Variants in MYO15A observed in about 807,000 individuals in gnomAD.
The protein encoded by MYO15A is myosin XVA, also known as unconventional myosin-XV.
MYO15A carries 308 observed loss-of-function variants against 394.6 expected under a neutral mutation model. The ratio of observed to expected loss-of-function variants is 0.78; its 90% CI spans 0.71 to 0.86. MYO15A has a LOEUF of 0.86. Among genes scored for constraint, MYO15A ranks in the 40% least tolerant of loss-of-function variants. The probability of loss-of-function intolerance (pLI) is 0.00; values close to 1 mark genes in which losing one functional copy is unlikely to be tolerated. For missense variants in MYO15A, 4,606 were observed against 4,799.1 expected (o/e 0.96, Z 1.19); for synonymous variants, 1,957 against 2,003.8 (o/e 0.98, Z 0.62).
intron 2 of MYO15A, 123 bp downstream of exon 2, chr17:18,122,532 T>C: frequency 7.1e-7 from 1 of 1,413,066 alleles, no homozygotes; most frequent in East Asian, 2.4e-5. Context: ...CCTCAGTCTC[T>C]GGGTCTGTAA....
At chr17:18,149,045 G>A in intron 33 of MYO15A, 93 bp downstream of exon 33, 3 of 1,507,474 alleles carry the variant, frequency 2.0e-6, no homozygotes, top group Non-Finnish European at 2.7e-6. Context: ...CCCAGCTGCT[G>A]GGACAGGCTG....
At chr17:18,142,884 G>T (rs770478838) in intron 25 of MYO15A, 44 bp downstream of exon 25, 21 of 1,560,268 alleles carry the variant, frequency 1.3e-5, no homozygotes, top group Non-Finnish European at 1.7e-5. Context: ...CAGCAGAGAA[G>T]GGGAAAGGGC....
chr17:18,169,157 T>TAATAAAA (rs369888022), intron 62 of MYO15A, among the ~76,000 whole-genome samples: 1 of 92,132 alleles, frequency 1.1e-5, no homozygotes, highest in East Asian at 2.2e-4. Flanking sequence ...ATAATAATAA[T>TAATAAAA]AAAAATAGGC....
chr17:18,125,293 C>CG, intron 4 of MYO15A, 62 bp downstream of exon 4: 1 of 1,494,854 alleles, frequency 6.7e-7, no homozygotes, highest in Middle Eastern at 1.8e-4. Context: ...CTCCTGGGGC[C>CG]GGGTGGGACG....
rs909474364 is a variant in MYO15A, at chr17:18,179,141, A to G, written c.*271A>G. The G allele has an allele frequency of 5.5e-6, 3 of 550,446 alleles. No individual in the cohort carries two copies. Among genetic ancestry groups the G allele is most frequent in the Non-Finnish European group, 9.8e-6 (3 of 304,770 alleles). 34.1% of individuals were successfully genotyped at this position (550,446 alleles called of 1,614,324 possible). A position where few individuals can be genotyped will look rare whatever the true frequency, so the allele number is the denominator to read the frequency against. On this transcript the variant is annotated 3_prime_UTR_variant, in exon 66 of 66. Coordinates refer to ENST00000647165, the MANE Select transcript of MYO15A (RefSeq NM_016239.4). The stretch of plus-strand genomic sequence containing the variant: ...GTGCAGTGGAGCAGAAGGCAGGACC[A>G]TGAGGCCTCCTGCCATGTACCCATT...
intron 1 of MYO15A, among the ~76,000 whole-genome samples, chr17:18,116,726 TC>T (rs1033388277): frequency 1.3e-5 from 2 of 151,844 alleles, no homozygotes; most frequent in African/African-American, 4.8e-5. Context: ...TTTGAGACCA[TC>T]CCGGCCAACA....
At chr17:18,129,161 C>T (rs1005177692) in intron 7 of MYO15A, among the ~76,000 whole-genome samples, 2 of 152,240 alleles carry the variant, frequency 1.3e-5, no homozygotes, top group Non-Finnish European at 2.9e-5. Flanking sequence ...ATTCAGAGCT[C>T]CGTCTCACTG....
chr17:18,171,698 G>C lies in MYO15A; in HGVS notation c.10143G>C (p.Trp3381Cys), dbSNP rs2046943223. 8.1e-6 allele frequency: 13 copies of C among 1,613,030 alleles called. No individual in the cohort carries two copies. The highest frequency in any genetic ancestry group is 1.1e-5 in the Non-Finnish European group (13 of 1,180,022). ...QLYRTTAGST[W>C]LNLVSQHRQQ... The stretch of plus-strand genomic sequence containing the variant: ...ACCGTACAACGGCAGGCTCGACCTG[G>C]CTCAACCTGGTCAGCCAGCACCGGC... The change falls in exon 63 of 66, where the codon TGG (tryptophan) becomes TGC (cysteine). Residue 3381 changes from tryptophan to cysteine, a missense_variant. This residue lies in a region of MYO15A where 2,776 missense variants were observed against 3,109.3 expected (regional missense o/e 0.89). Coordinates refer to ENST00000647165, the MANE Select transcript of MYO15A (RefSeq NM_016239.4).
chr17:18,141,643 C>T lies in MYO15A; in HGVS notation c.5532-10C>T, dbSNP rs200169924. 2,108 of 1,613,314 alleles carry T rather than the reference C, an allele frequency of 1.3e-3. 3 individuals are homozygous for T. Among genetic ancestry groups the T allele is most frequent in the Non-Finnish European group, 1.7e-3 (1,949 of 1,179,434 alleles). ...TCATAGCCCCAGACTAACTTTGGGC[C>T]CCCTACCAGGTACTGCTGTCTAGTG... On this transcript the variant is annotated splice_polypyrimidine_tract_variant and intron_variant, in intron 22 of 65. Transcript: ENST00000647165.
intron 1 of MYO15A, among the ~76,000 whole-genome samples, chr17:18,113,739 C>CAAA (rs72282387): frequency 8.4e-6 from 1 of 119,414 alleles, no homozygotes; most frequent in Non-Finnish European, 1.7e-5. Context: ...GAGACTGTCT[C>CAAA]AAAAAAAAAA....
chr17:18,125,151 T>A lies in MYO15A; in HGVS notation c.3693-17T>A, dbSNP rs1244862404. 2 of 1,613,934 alleles carry A rather than the reference T, an allele frequency of 1.2e-6. No individual in the cohort carries two copies. The highest frequency in any genetic ancestry group is 1.7e-6 in the Non-Finnish European group (2 of 1,179,862). Reference sequence around the variant, plus strand: ...CAGCCCTGGGGGCACTGACGGCTTCTCTCTGTGTCCTTCTAGAGACCTCCA... The same window carrying A: ...CAGCCCTGGGGGCACTGACGGCTTCACTCTGTGTCCTTCTAGAGACCTCCA... On this transcript the variant is annotated splice_polypyrimidine_tract_variant and intron_variant, in intron 3 of 65. Coordinates refer to ENST00000647165, the MANE Select transcript of MYO15A (RefSeq NM_016239.4).
rs1353598902 is a variant in MYO15A, at chr17:18,157,052, G to A, written c.8700G>A (p.Glu2900=). The part of the protein sequence containing the change: ...KGDIIHLQPL[E]PPRVGYSAGC... ...ACATCATACACCTGCAGCCCCTAGA[G>A]CCACCTCGAGTGGGTCAGTGCCACT... The change falls in exon 49 of 66, where the codon GAG becomes GAA. Residue 2900 remains glutamate, a synonymous_variant. Coordinates refer to ENST00000647165, the MANE Select transcript of MYO15A (RefSeq NM_016239.4). 6.2e-7 allele frequency: 1 copy of A among 1,614,062 alleles called. No individual in the cohort carries two copies. Among genetic ancestry groups the A allele is most frequent in the Non-Finnish European group, 8.5e-7 (1 of 1,179,992 alleles).
chr17:18,150,756 C>G lies in MYO15A; in HGVS notation c.7386C>G (p.Ala2462=), dbSNP rs568637767. The change falls in exon 37 of 66, where the codon GCC becomes GCG. Residue 2462 remains alanine (A), a synonymous_variant. Coordinates refer to ENST00000647165, the MANE Select transcript of MYO15A (RefSeq NM_016239.4). The surrounding 1 kb of genome is among the most constrained non-coding windows in gnomAD (Gnocchi z 4.4). The stretch of plus-strand genomic sequence containing the variant: ...AGCAAGCCTTCATCCACAAACAGGC[C>G]GTGCTGCTGGTGAGTGAGGGAGGGA... The part of the protein sequence containing the change: ...ALQQAFIHKQ[A]VLLAREMTLQ... 2 of 1,584,934 alleles carry G rather than the reference C, an allele frequency of 1.3e-6. No individual in the cohort carries two copies. The highest frequency in any genetic ancestry group is 8.6e-7 in the Non-Finnish European group (1 of 1,164,382).
intron 27 of MYO15A, 21 bp downstream of exon 27, chr17:18,143,817 G>A (rs1314812589): frequency 1.3e-6 from 2 of 1,572,738 alleles, no homozygotes; most frequent in Admixed American, 1.9e-5. Context: ...ACCAGGCGGG[G>A]GGAGGGCCCA....
chr17:18,150,028 CTCTA>C lies in MYO15A; in HGVS notation c.7213-397_7213-394del. 3.2e-6 allele frequency: 1 copy of C among 316,582 alleles called. No homozygotes were observed. The highest frequency in any genetic ancestry group is 6.0e-6 in the Non-Finnish European group (1 of 167,098). The allele number at this position is 316,582 out of a possible 1,614,324, so 19.6% of individuals were successfully genotyped here. ...CAGCCCCCCGGGGCCACTAAAATAT[CTCTA>C]TCTGGATGGAGTTGAATGACCTTGG... On this transcript the variant is annotated intron_variant, in intron 35 of 65. Transcript: ENST00000647165. This position sits in a 1 kb window ranked among gnomAD's most constrained non-coding sequence, Gnocchi z 4.4.
intron 12 of MYO15A, among the ~76,000 whole-genome samples, chr17:18,134,210 G>A (rs1019788184): frequency 6.6e-6 from 1 of 151,480 alleles, no homozygotes; most frequent in African/African-American, 2.4e-5. Context: ...GGATGGTCTC[G>A]CTCTCTTGAC....
At position 18,149,000 on chromosome 17, in the gene MYO15A, A is replaced by G; in HGVS notation, c.6956+48A>G. 1 of 1,547,114 alleles carries G rather than the reference A, an allele frequency of 6.5e-7. No homozygotes were observed. Among genetic ancestry groups the G allele is most frequent in the Non-Finnish European group, 8.7e-7 (1 of 1,145,990 alleles). ...CTCACAGATGGCCACTCCCAGGCAG[A>G]AGGCCGGCCACTCCCAGGCAGAAGG... On this transcript the variant is annotated intron_variant, in intron 33 of 65. Coordinates refer to ENST00000647165, the MANE Select transcript of MYO15A (RefSeq NM_016239.4). The surrounding 1 kb of genome is among the most constrained non-coding windows in gnomAD (Gnocchi z 4.8).
Position 18,159,278 on chromosome 17 carries a change from C to G in MYO15A, c.9160C>G (p.Pro3054Ala), listed in dbSNP as rs368760461. Residue 3054 changes from proline (P) to alanine (A), a missense_variant, in exon 54 of 66, where the codon CCC (proline) becomes GCC (alanine). Physicochemically the swap from Pro to Ala is conservative, Grantham distance 27 (BLOSUM62 -1). Around this residue, in one of 2 missense-constraint regions of MYO15A, gnomAD observed 2,776 missense variants for 3,109.3 expected, o/e 0.89. Transcript: ENST00000647165. The part of the protein sequence containing the change: ...LEDMLCFTKT[P>A]LQESLIELSD... ...ACACAGCCCTCTTCCCCCACAGACT[C>G]CCCTCCAGGAATCCCTCATCGAACT... 71 of 1,614,182 alleles carry G rather than the reference C, an allele frequency of 4.4e-5. No homozygotes were observed. The African/African-American group carries it at 8.4e-4, about 19-fold the overall frequency.
intron 60 of MYO15A, chr17:18,164,234 C>T (rs1173277274): frequency 3.3e-6 from 1 of 304,356 alleles, no homozygotes. Context: ...TTAATAATGG[C>T]CAGAGAAGCC....
Sources: allele counts gnomAD v4.1 joint callset (sites outside exome capture counted in the v4.1 genomes callset), GRCh38; gene constraint gnomAD v4.1.1; regional missense constraint gnomAD v4.1.1; non-coding constraint Gnocchi (gnomAD v3.1); transcripts MANE v1.5; gene names NCBI Gene and HGNC (gene_info 2026-07-23, HGNC 2026-07-21).